Variants in KRT36 observed in about 807,000 individuals in gnomAD.
The protein encoded by KRT36 is keratin 36, also known as keratin, type I cuticular Ha6.
Under a neutral mutation model 43.0 loss-of-function variants are expected in KRT36, and 41 were observed. The ratio of observed to expected loss-of-function variants is 0.95; its 90% CI spans 0.74 to 1.24. The LOEUF is 1.24. Ranked by LOEUF, KRT36 falls within the 50% of genes most tolerant of loss-of-function variation. KRT36 has a pLI of 0.00. For missense variants in KRT36, 627 were observed against 595.3 expected, an observed-to-expected ratio of 1.05 and a Z score of -0.55; for synonymous variants, 277 against 252.9, an observed-to-expected ratio of 1.10 and a Z score of -0.90.
Position 41,486,508 on chromosome 17 carries a change from C to G in KRT36, c.1272G>C (p.Pro424=), listed in dbSNP as rs375389592. Residue 424 remains proline (P), a synonymous_variant, in exon 7 of 7, where the codon CCG becomes CCC. Coordinates refer to ENST00000328119, the MANE Select transcript of KRT36 (RefSeq NM_003771.5). ...KPVIRVPSVP[P]VPCVPSVPCT... is the part of the protein sequence containing the mutation. ...AGGGCACAGAGGGGACACAGGGCAC[C>G]GGGGGGACAGAAGGAACTCTAATAA... The G allele has an allele frequency of 6.2e-7, 1 of 1,610,338 alleles. No homozygotes were observed. The highest frequency in any genetic ancestry group is 1.7e-5 in the Admixed American group (1 of 59,134).
intron 6 of KRT36, 152 bp from the exon 7 acceptor site, chr17:41,486,723 G>A (rs1057021083): frequency 1.4e-6 from 1 of 740,622 alleles, no homozygotes; most frequent in African/African-American, 1.8e-5. Context: ...TGAGCTACAG[G>A]AATGAAGAGC....
intron 3 of KRT36, 42 bp from the exon 4 acceptor site, chr17:41,487,779 T>G: frequency 7.0e-6 from 11 of 1,571,452 alleles, no homozygotes; most frequent in Non-Finnish European, 9.5e-6. Context: ...GTGAAAAAGA[T>G]GCTGGATTGC....
rs73983499 is a variant in KRT36, at chr17:41,489,372, C to T, written c.459+34G>A. 5,202 of 1,598,624 alleles carry T rather than the reference C, an allele frequency of 3.3e-3. 131 individuals are homozygous for T. In the African/African-American group the frequency reaches 0.06, roughly 19 times the overall value. The stretch of plus-strand genomic sequence containing the variant: ...AGACAGACGCCTCCTAAGAGTTGGG[C>T]TGCTCAGCTGGAAAGGGGCCAGGTC... On this transcript the variant is annotated intron_variant, in intron 1 of 6. Coordinates refer to ENST00000328119, the MANE Select transcript of KRT36 (RefSeq NM_003771.5).
rs1178259330 is a variant in KRT36 at position 41,486,475 on chromosome 17, C to A, written c.1305G>T (p.Pro435=). 2 of 1,613,854 alleles carry A rather than the reference C, an allele frequency of 1.2e-6. No homozygotes were observed. Among genetic ancestry groups the A allele is most frequent in the Non-Finnish European group, 1.7e-6 (2 of 1,179,922 alleles). The change falls in exon 7 of 7, where the codon CCG becomes CCT. Residue 435 remains proline, a synonymous_variant. Transcript: ENST00000328119. ...GGATCTGAGTGCCAACCTGGGGAGC[C>A]GGGGTGCAGGGCACAGAGGGGACAC... ...VPCVPSVPCT[P]APQVGTQIRT...
In KRT36 at chr17:41,486,482, C is replaced by T; in HGVS notation, c.1298G>A (p.Cys433Tyr). ...AGTGCCAACCTGGGGAGCCGGGGTG[C>T]AGGGCACAGAGGGGACACAGGGCAC... ...PPVPCVPSVP[C>Y]TPAPQVGTQI... is the part of the protein sequence containing the mutation. Residue 433 changes from cysteine (C) to tyrosine (Y), a missense_variant, in exon 7 of 7, where the codon TGC becomes TAC. By Grantham distance (194) the Cys-to-Tyr change is radical. Coordinates refer to ENST00000328119, the MANE Select transcript of KRT36 (RefSeq NM_003771.5). 1 of 1,613,728 alleles carries T rather than the reference C, an allele frequency of 6.2e-7. No homozygotes were observed. The highest frequency in any genetic ancestry group is 8.5e-7 in the Non-Finnish European group (1 of 1,179,822).
chr17:41,488,745 C>T (rs1015995930), intron 1 of KRT36, 21 bp from the exon 2 acceptor site: 2 of 1,609,428 alleles, frequency 1.2e-6, no homozygotes, highest in Non-Finnish European at 8.5e-7. Context: ...AGAGGCTTCC[C>T]ATAAGCTACA....
chr17:41,488,551 C>A (rs549106418), intron 2 of KRT36, 91 bp downstream of exon 2: 273 of 1,518,490 alleles, frequency 1.8e-4, no homozygotes, highest in Non-Finnish European at 2.3e-4. Flanking sequence ...ATTTTCCCAT[C>A]CAGCCTTATT....
In KRT36 at chr17:41,489,748, G is replaced by T. The variant is rs1244299233; in HGVS notation, c.117C>A (p.Val39=). The stretch of plus-strand genomic sequence containing the variant: ...ACCCTGCAGCACCGGCGAGACTGGG[G>T]ACCCTGCAGGAGCCCACAGAACGGA... The part of the protein sequence containing the change: ...SSIRSVGSCR[V]PSLAGAAGYI... Residue 39 remains valine (V), a synonymous_variant, in exon 1 of 7, where the codon GTC becomes GTA. Coordinates refer to ENST00000328119, the MANE Select transcript of KRT36 (RefSeq NM_003771.5). 1 of 1,614,030 alleles carries T rather than the reference G, an allele frequency of 6.2e-7. No homozygotes were observed. Among genetic ancestry groups the T allele is most frequent in the East Asian group, 2.2e-5 (1 of 44,868 alleles).
chr17:41,486,865 G>C, intron 6 of KRT36, 85 bp downstream of exon 6: 1 of 1,271,538 alleles, frequency 7.9e-7, no homozygotes, highest in South Asian at 1.3e-5. Context: ...CCCTTCATCT[G>C]GGCGACAACC....
intron 1 of KRT36, 43 bp downstream of exon 1, chr17:41,489,363 A>C (rs1240759588): frequency 3.2e-6 from 5 of 1,586,464 alleles, no homozygotes; most frequent in Non-Finnish European, 4.3e-6. Context: ...ACGCCTCCTA[A>C]GAGTTGGGCT....
At position 41,488,249 on chromosome 17, in the gene KRT36, G is replaced by A. The variant is rs750196929; in HGVS notation, c.693C>T (p.His231=). 1.7e-5 allele frequency: 28 copies of A among 1,613,544 alleles called. No individual in the cohort carries two copies. Among genetic ancestry groups the A allele is most frequent in the Middle Eastern group, 3.3e-4 (2 of 6,074 alleles). Residue 231 remains histidine, a synonymous_variant, in exon 3 of 7, where the codon CAC becomes CAT. Transcript: ENST00000328119. ...KEELMCLKKN[H]EEEVSVLRCQ... The stretch of plus-strand genomic sequence containing the variant: ...CACATGGCACCAGCCTCACCTCCTC[G>A]TGATTCTTCTTGAGGCACATCAGCT...
chr17:41,487,842 G>A (rs558921573), intron 3 of KRT36, 105 bp from the exon 4 acceptor site: 3 of 1,099,784 alleles, frequency 2.7e-6, no homozygotes, highest in Non-Finnish European at 3.9e-6. Context: ...CAGCTGCATA[G>A]CATTAGACAG....
chr17:41,486,723 G>T, intron 6 of KRT36, 152 bp from the exon 7 acceptor site: 1 of 740,740 alleles, frequency 1.3e-6, no homozygotes, highest in Non-Finnish European at 2.2e-6. Flanking sequence ...TGAGCTACAG[G>T]AATGAAGAGC....
intron 1 of KRT36, 129 bp from the exon 2 acceptor site, chr17:41,488,853 G>T: frequency 1.3e-6 from 1 of 777,208 alleles, no homozygotes; most frequent in Non-Finnish European, 2.2e-6. Context: ...CCAGCCCTGA[G>T]CCACACCCCA....
At position 41,489,827 on chromosome 17, in the gene KRT36, C is replaced by T. The variant is rs775017982; in HGVS notation, c.38G>A (p.Gly13Glu). 8.7e-6 allele frequency: 14 copies of T among 1,613,294 alleles called. No individual in the cohort carries two copies. The Middle Eastern group carries it at 9.9e-4, about 114-fold the overall frequency. The change falls in exon 1 of 7, where the codon GGG (glycine) becomes GAG (glutamate). Residue 13 changes from glycine (G) to glutamate (E), a missense_variant. Physicochemically the swap from Gly to Glu is moderately conservative, Grantham distance 98 (BLOSUM62 -2). Transcript: ENST00000328119. ...TQTCTPTFST[G>E]SIKGLCGTAG... ...TGTGCCACAGAGGCCCTTGATAGAC[C>T]CAGTGGAGAAGGTAGGGGTGCAGGT...
chr17:41,487,088 T>C lies in KRT36; in HGVS notation c.1070A>G (p.Asn357Ser), dbSNP rs11657323. Reference sequence around the variant, plus strand: ...GATCTCAGACAGCTGGGCCTCCACGTTGCTGATCAGGCACTGCATCTGGGC... The same window carrying C: ...GATCTCAGACAGCTGGGCCTCCACGCTGCTGATCAGGCACTGCATCTGGGC... ...QLAQMQCLIS[N>S]VEAQLSEIRC... The change falls in exon 6 of 7, where the codon AAC (asparagine) becomes AGC (serine). Residue 357 changes from asparagine (N) to serine (S), a missense_variant. Asn to Ser is a conservative substitution (Grantham distance 46). Coordinates refer to ENST00000328119, the MANE Select transcript of KRT36 (RefSeq NM_003771.5). 13 of 1,614,148 alleles carry C rather than the reference T, an allele frequency of 8.1e-6. No homozygotes were observed. In the South Asian group the frequency reaches 1.2e-4, roughly 15 times the overall value.
chr17:41,487,026 C>CCTGGTACTCCTGGTT lies in KRT36; in HGVS notation c.1117_1131dup (p.Asn373_Gln377dup). 6.2e-7 allele frequency: 1 copy of CCTGGTACTCCTGGTT among 1,614,186 alleles called. No individual in the cohort carries two copies. Among genetic ancestry groups the CCTGGTACTCCTGGTT allele is most frequent in the South Asian group, 1.1e-5 (1 of 91,086 alleles). On this transcript the variant is annotated inframe_insertion, in exon 6 of 7. Coordinates refer to ENST00000328119, the MANE Select transcript of KRT36 (RefSeq NM_003771.5). ...AGCCGGGCCTTGACGTCCAGTAACA[C>CCTGGTACTCCTGGTT]CTGGTACTCCTGGTTCTGCCGCTCC...
chr17:41,486,244 G>T lies in KRT36; in HGVS notation c.*132C>A. The T allele has an allele frequency of 1.5e-6, 1 of 668,216 alleles. No individual in the cohort carries two copies. The highest frequency in any genetic ancestry group is 2.5e-6 in the Non-Finnish European group (1 of 398,988). 41.4% of individuals were successfully genotyped at this position (668,216 alleles called of 1,614,324 possible). ...AGTCCGGAAACACAATACGGGGAGT[G>T]TTTTGGTAGAAAAACCTGCTAAGCG... On this transcript the variant is annotated 3_prime_UTR_variant, in exon 7 of 7. Coordinates refer to ENST00000328119, the MANE Select transcript of KRT36 (RefSeq NM_003771.5).
rs1290152879 is a variant in KRT36, at chr17:41,489,380, C to T, written c.459+26G>A. On this transcript the variant is annotated intron_variant, in intron 1 of 6. Coordinates refer to ENST00000328119, the MANE Select transcript of KRT36 (RefSeq NM_003771.5). The stretch of plus-strand genomic sequence containing the variant: ...GCCTCCTAAGAGTTGGGCTGCTCAG[C>T]TGGAAAGGGGCCAGGTCTCCCTCAC... The T allele has an allele frequency of 2.5e-6, 4 of 1,605,788 alleles. No individual in the cohort carries two copies. The African/African-American group carries it at 5.4e-5, about 21-fold the overall frequency.
Sources: gnomAD v4.1 joint callset for allele counts on GRCh38, gnomAD v4.1.1 for gene constraint, MANE v1.5 for transcripts, NCBI Gene and HGNC (gene_info 2026-07-23, HGNC 2026-07-21) for gene names.